The following KIF2A variants were observed in gnomAD, a reference collection of about 807,000 sequenced individuals.
KIF2A encodes the protein kinesin-like protein KIF2A.
Under a neutral mutation model 100.2 loss-of-function variants are expected in KIF2A, and 22 were observed. That is an observed-to-expected ratio of 0.22 (90% CI 0.16 to 0.31). The LOEUF (loss-of-function observed/expected upper bound fraction) is 0.31. Ranked by LOEUF, KIF2A falls within the 10% of genes least tolerant of loss-of-function variation. The pLI is 1.00. For missense variants in KIF2A, 495 were observed against 898.7 expected (o/e 0.55, Z 5.74); for synonymous variants, 268 against 285.9 (o/e 0.94, Z 0.63).
At chr5:62,376,411 TTTG>T (rs1483847392) in intron 18 of KIF2A, among the ~76,000 whole-genome samples, 17 of 86,676 alleles carry the variant, frequency 2.0e-4, no homozygotes, top group Admixed American at 4.1e-4. Flanking sequence ...GTTTTTTTTG[TTTG>T]TTTGTTTGTT....
chr5:62,310,594 G>GGA lies in KIF2A; in HGVS notation c.64+4058_64+4059insGA, dbSNP rs1288107085. Among the ~76,000 whole-genome samples the GGA allele has an allele frequency of 5.2e-3, 793 of 152,186 alleles. 8 individuals carry two copies. The highest frequency in any genetic ancestry group is 0.018 in the African/African-American group (746 of 41,518). ...TACTCTGGCCCTCTACTTCCCGCTG[G>GGA]CCTGTTAGTCAGGAACTACAGCGTT... On this transcript the variant is annotated intron_variant, in intron 1 of 20. Transcript: ENST00000407818.
intron 14 of KIF2A, 105 bp from the exon 15 acceptor site, chr5:62,365,138 C>T (rs1741005176): frequency 1.8e-6 from 1 of 549,312 alleles, no homozygotes; most frequent in South Asian, 3.0e-5. Flanking sequence ...ACTGATCAGA[C>T]CCTTAAATGT....
intron 7 of KIF2A, among the ~76,000 whole-genome samples, chr5:62,356,535 G>A (rs1367926465): frequency 1.3e-5 from 2 of 152,142 alleles, no homozygotes; most frequent in South Asian, 2.1e-4. Flanking sequence ...CTTGCTTTAT[G>A]TTAATTATTA....
chr5:62,308,791 T>A (rs1256463152), intron 1 of KIF2A, among the ~76,000 whole-genome samples: 1 of 152,012 alleles, frequency 6.6e-6, no homozygotes, highest in Non-Finnish European at 1.5e-5. Context: ...AATGGGGAGA[T>A]ATAGGTCAAG....
rs1203774690 is a variant in KIF2A at position 62,386,554 on chromosome 5, T to C, written c.*985T>C. 6.6e-6 allele frequency among the ~76,000 whole-genome samples: 1 copy of C among 152,238 alleles called. No individual in the cohort carries two copies. The highest frequency in any genetic ancestry group is 6.5e-5 in the Admixed American group (1 of 15,282). ...TGTACTGTTAAAAGAAATTGGCTTC[T>C]GATGCATGAACATTTACATGTACAT... is the stretch of plus-strand genomic sequence containing the variant. On this transcript the variant is annotated 3_prime_UTR_variant, in exon 21 of 21. Coordinates refer to ENST00000407818, the MANE Select transcript of KIF2A (RefSeq NM_001098511.3).
At chr5:62,336,187 G>A (rs2111865641) in intron 1 of KIF2A, among the ~76,000 whole-genome samples, 2 of 152,316 alleles carry the variant, frequency 1.3e-5, no homozygotes, top group Middle Eastern at 3.4e-3. Flanking sequence ...AGGCATGGAT[G>A]TCAAAAGTTT....
intron 20 of KIF2A, among the ~76,000 whole-genome samples, chr5:62,381,955 G>A (rs778536594): frequency 3.3e-5 from 5 of 152,176 alleles, no homozygotes; most frequent in Non-Finnish European, 5.9e-5. Flanking sequence ...CTACTAAGTC[G>A]TGTCTTTTTG....
chr5:62,341,732 C>G (rs971681796), intron 1 of KIF2A, among the ~76,000 whole-genome samples: 2 of 152,056 alleles, frequency 1.3e-5, no homozygotes, highest in African/African-American at 4.8e-5. Flanking sequence ...TTTCGCACAC[C>G]TAGTTATGGT....
At chr5:62,328,194 ATATT>A (rs150414183) in intron 1 of KIF2A, among the ~76,000 whole-genome samples, 2,275 of 152,328 alleles carry the variant, frequency 0.015, 51 homozygotes, top group African/African-American at 0.052. Context: ...CATTTGGTAT[ATATT>A]CTGTTATCCA....
At chr5:62,350,413 G>A (rs1436792814) in intron 4 of KIF2A, among the ~76,000 whole-genome samples, 3 of 151,932 alleles carry the variant, frequency 2.0e-5, no homozygotes, top group African/African-American at 7.2e-5. Flanking sequence ...ATGTAGCTGG[G>A]ACCACAGGCA....
At position 62,361,270 on chromosome 5, in the gene KIF2A, A is replaced by G. The variant is rs867833640; in HGVS notation, c.901A>G (p.Ile301Val). ...RFTARPLVET[I>V]FERGMATCFA... ...TACTGCTAGACCACTAGTGGAAACT[A>G]TATTTGAAAGGGGAATGGCTACATG... Residue 301 changes from isoleucine to valine, a missense_variant, in exon 10 of 21, where the codon ATA becomes GTA. Coordinates refer to ENST00000407818, the MANE Select transcript of KIF2A (RefSeq NM_001098511.3). The G allele has an allele frequency of 2.5e-6, 4 of 1,606,462 alleles. No homozygotes were observed. The highest frequency in any genetic ancestry group is 1.3e-5 in the African/African-American group (1 of 74,958).
At chr5:62,363,942 A>C in intron 14 of KIF2A, 43 bp downstream of exon 14, 2 of 1,482,796 alleles carry the variant, frequency 1.3e-6, no homozygotes, top group Non-Finnish European at 1.8e-6. Flanking sequence ...TTTACTTTTG[A>C]CTTTAATTTT....
chr5:62,325,413 C>T (rs1746327315), intron 1 of KIF2A, among the ~76,000 whole-genome samples: 1 of 151,770 alleles, frequency 6.6e-6, no homozygotes, highest in Admixed American at 6.6e-5. Context: ...CATGAGCCAC[C>T]ATGCCCAACT....
chr5:62,359,125 T>C (rs532558191), intron 9 of KIF2A, among the ~76,000 whole-genome samples: 1 of 152,384 alleles, frequency 6.6e-6, no homozygotes, highest in East Asian at 1.9e-4. Context: ...GTATGTTTTC[T>C]GTATTCAACT....
chr5:62,307,888 G>A (rs952874034), intron 1 of KIF2A, among the ~76,000 whole-genome samples: 1 of 152,138 alleles, frequency 6.6e-6, no homozygotes, highest in Non-Finnish European at 1.5e-5. Context: ...AATGTGCTGG[G>A]ATTACAGGCG....
Position 62,363,231 on chromosome 5 carries a change from A to G in KIF2A, c.1173A>G (p.Lys391=), listed in dbSNP as rs372319425. ...KTKLRVLEDG[K]QQVQVVGLQE... is the part of the protein sequence containing the mutation. ...AATTAAGAGTTCTAGAAGATGGAAA[A>G]CAGCAGGTTCAAGTGGTGGGATTAC... Residue 391 remains lysine, a synonymous_variant, in exon 13 of 21, where the codon AAA becomes AAG. Transcript: ENST00000407818. The G allele has an allele frequency of 6.2e-7, 1 of 1,613,362 alleles. No homozygotes were observed.
chr5:62,380,906 T>A (rs1044882181), intron 19 of KIF2A, among the ~76,000 whole-genome samples: 5 of 152,222 alleles, frequency 3.3e-5, no homozygotes, highest in African/African-American at 1.2e-4. Context: ...TTGAAAAAAA[T>A]CCACATAAGT....
At chr5:62,363,979 C>A in intron 14 of KIF2A, 80 bp downstream of exon 14, 1 of 1,033,298 alleles carries the variant, frequency 9.7e-7, no homozygotes, top group Non-Finnish European at 1.4e-6. Flanking sequence ...AATAGTAGTA[C>A]TTGTTTTACC....
At chr5:62,336,515 T>C (rs1483445343) in intron 1 of KIF2A, among the ~76,000 whole-genome samples, 1 of 152,162 alleles carries the variant, frequency 6.6e-6, no homozygotes, top group Non-Finnish European at 1.5e-5. Context: ...AACCCCCATG[T>C]CTGGAATTTG....
Sources: allele counts gnomAD v4.1 joint callset (sites outside exome capture counted in the v4.1 genomes callset), GRCh38; gene constraint gnomAD v4.1.1; transcripts MANE v1.5; gene names NCBI Gene and HGNC (gene_info 2026-07-23, HGNC 2026-07-21).